Variants in SOX6 observed in about 807,000 individuals in gnomAD.
The protein encoded by SOX6 is transcription factor SOX-6.
In SOX6, 11 loss-of-function variants were observed where a neutral mutation model predicts 97.8. The ratio of observed to expected loss-of-function variants is 0.11; its 90% confidence interval spans 0.07 to 0.19. SOX6 has a LOEUF of 0.19. Ranked by LOEUF, SOX6 falls within the 10% of genes least tolerant of loss-of-function variation. The probability of loss-of-function intolerance (pLI) is 1.00; values close to 1 mark genes in which losing one functional copy is unlikely to be tolerated. For synonymous variants in SOX6, 360 were observed against 371.4 expected, an observed-to-expected ratio of 0.97 and a Z score of 0.35; for missense variants, 810 against 1,039.5, an observed-to-expected ratio of 0.78 and a Z score of 3.04.
intron 1 of SOX6, among the ~76,000 whole-genome samples, chr11:16,438,659 T>G (rs968654672): frequency 6.6e-6 from 1 of 151,800 alleles, no homozygotes; most frequent in Non-Finnish European, 1.5e-5. Context: ...GGATCTGATC[T>G]ACCTATCTCT....
chr11:16,466,591 T>C (rs1860036535), intron 1 of SOX6, among the ~76,000 whole-genome samples: 1 of 151,090 alleles, frequency 6.6e-6, no homozygotes, highest in Admixed American at 6.6e-5. Context: ...AGGTTTAATA[T>C]CCACCATCTA....
At chr11:16,457,040 ATG>A (rs1859823099) in intron 1 of SOX6, among the ~76,000 whole-genome samples, 1 of 152,172 alleles carries the variant, frequency 6.6e-6, no homozygotes, top group Non-Finnish European at 1.5e-5. Context: ...GAATGAATAA[ATG>A]AATACAAAAG....
chr11:16,402,806 T>G (rs779137281), intron 1 of SOX6: 2 of 1,575,290 alleles, frequency 1.3e-6, no homozygotes, highest in South Asian at 2.3e-5. Context: ...CAACCTTTCA[T>G]GTCCTTGAAG....
At chr11:16,679,750 T>C (rs1847912221) in intron 3 of SOX6, among the ~76,000 whole-genome samples, 2 of 152,056 alleles carry the variant, frequency 1.3e-5, no homozygotes, top group African/African-American at 2.4e-5. Flanking sequence ...TCAAACAGTG[T>C]AGAGAAGACC....
intron 6 of SOX6, among the ~76,000 whole-genome samples, chr11:16,120,454 A>G (rs2078563271): frequency 6.6e-6 from 1 of 151,898 alleles, no homozygotes; most frequent in South Asian, 2.1e-4. Flanking sequence ...CTTAAAAAGT[A>G]GAACGAACTC....
chr11:16,724,485 A>T (rs554144944), intron 2 of SOX6, among the ~76,000 whole-genome samples: 5 of 31,308 alleles, frequency 1.6e-4, no homozygotes, highest in Non-Finnish European at 2.1e-4. Context: ...TGTAGGCTTT[A>T]AAAAAAAAAA....
At chr11:16,355,085 A>G (rs2134365682) in intron 1 of SOX6, among the ~76,000 whole-genome samples, 1 of 152,122 alleles carries the variant, frequency 6.6e-6, no homozygotes, top group Admixed American at 6.6e-5. Flanking sequence ...TGGTCAATTC[A>G]TTATCACAAA....
intron 4 of SOX6, among the ~76,000 whole-genome samples, chr11:16,234,377 C>T (rs1398257760): frequency 1.3e-5 from 2 of 151,950 alleles, no homozygotes; most frequent in Non-Finnish European, 2.9e-5. Flanking sequence ...TGTTTATAGA[C>T]TAATACAAAA....
intron 1 of SOX6, among the ~76,000 whole-genome samples, chr11:16,384,474 C>A (rs547311906): frequency 6.6e-6 from 1 of 151,882 alleles, no homozygotes; most frequent in Non-Finnish European, 1.5e-5. Context: ...AAAGTAGATT[C>A]ATCTTAAAGA....
chr11:16,518,024 A>C (rs1348674655), intron 4 of SOX6, among the ~76,000 whole-genome samples: 1 of 152,132 alleles, frequency 6.6e-6, no homozygotes, highest in Non-Finnish European at 1.5e-5. Context: ...CCCCATCCAT[A>C]ATCTTTCCAG....
intron 3 of SOX6, among the ~76,000 whole-genome samples, chr11:16,648,650 A>G (rs4756858): frequency 0.17 from 25,250 of 152,126 alleles, 2,745 homozygotes; most frequent in East Asian, 0.32. Flanking sequence ...TGCCTATAAC[A>G]TCCTGAAATA....
intron 1 of SOX6, among the ~76,000 whole-genome samples, chr11:16,409,602 A>G (rs1858756602): frequency 6.6e-6 from 1 of 152,194 alleles, no homozygotes; most frequent in South Asian, 2.1e-4. Flanking sequence ...CTAATTCTAT[A>G]GTGTAAATGA....
intron 4 of SOX6, 134 bp from the exon 5 acceptor site, chr11:16,187,089 G>C (rs1851499674): frequency 1.1e-6 from 1 of 931,552 alleles, no homozygotes. Context: ...GGCCATTGAG[G>C]GTACAGGAAC....
intron 4 of SOX6, among the ~76,000 whole-genome samples, chr11:16,489,875 C>A (rs991350590): frequency 6.6e-6 from 1 of 152,088 alleles, no homozygotes; most frequent in African/African-American, 2.4e-5. Context: ...TAGCTTCAAA[C>A]CCTGGTTCTG....
chr11:16,688,788 C>T (rs941894068), intron 3 of SOX6, among the ~76,000 whole-genome samples: 1 of 151,986 alleles, frequency 6.6e-6, no homozygotes, highest in African/African-American at 2.4e-5. Context: ...TTTGGATTGC[C>T]GTTAAATTGT....
chr11:16,005,550 C>A (rs937550671), intron 13 of SOX6, among the ~76,000 whole-genome samples: 8 of 151,956 alleles, frequency 5.3e-5, no homozygotes, highest in African/African-American at 1.9e-4. Context: ...TGTTTTTCTT[C>A]TTCCCCACTA....
intron 1 of SOX6, among the ~76,000 whole-genome samples, chr11:16,467,487 G>A (rs1471652393): frequency 6.6e-6 from 1 of 152,204 alleles, no homozygotes; most frequent in African/African-American, 2.4e-5. Flanking sequence ...TCCTTTGCAG[G>A]ACATGGATGG....
intron 4 of SOX6, among the ~76,000 whole-genome samples, chr11:16,505,344 G>C (rs1860768662): frequency 6.6e-6 from 1 of 152,200 alleles, no homozygotes; most frequent in Non-Finnish European, 1.5e-5. Flanking sequence ...GAACTTGAGA[G>C]AGATGACTTA....
chr11:16,445,033 A>C (rs946746331), intron 1 of SOX6, among the ~76,000 whole-genome samples: 4 of 152,200 alleles, frequency 2.6e-5, no homozygotes, highest in Admixed American at 6.5e-5. Flanking sequence ...CATAAAAATT[A>C]ATTTGTCACC....
Sources: allele counts gnomAD v4.1 joint callset (sites outside exome capture counted in the v4.1 genomes callset), GRCh38; gene constraint gnomAD v4.1.1; transcripts MANE v1.5; gene names NCBI Gene and HGNC (gene_info 2026-07-23, HGNC 2026-07-21).